Variants in HERC4 observed in about 807,000 individuals in gnomAD.
HERC4 encodes HECT and RLD domain containing E3 ubiquitin protein ligase 4, also known as probable E3 ubiquitin-protein ligase HERC4.
Under a neutral mutation model 124.3 loss-of-function variants are expected in HERC4, and 28 were observed. The observed-to-expected ratio is 0.23, with a 90% confidence interval of 0.17 to 0.31. The LOEUF is 0.31. Ranked by LOEUF, HERC4 falls within the 10% of genes least tolerant of loss-of-function variation. The pLI is 1.00. For missense variants in HERC4, 713 were observed against 1,229.3 expected (o/e 0.58, Z 6.28); for synonymous variants, 407 against 421.5 (o/e 0.97, Z 0.42).
intron 9 of HERC4, chr10:68,010,417 C>T: frequency 1.0e-6 from 1 of 957,102 alleles, no homozygotes; most frequent in Non-Finnish European, 1.6e-6. Flanking sequence ...TCTCATGGTG[C>T]ATAATCACTG....
chr10:68,053,476 T>A (rs7920025), intron 3 of HERC4, among the ~76,000 whole-genome samples: 2,324 of 152,082 alleles, frequency 0.015, 72 homozygotes, highest in African/African-American at 0.053. Context: ...ATTAATTTTT[T>A]AATTATTTGT....
intron 7 of HERC4, among the ~76,000 whole-genome samples, chr10:68,030,445 C>T (rs1440894189): frequency 3.3e-5 from 5 of 152,030 alleles, no homozygotes; most frequent in Non-Finnish European, 5.9e-5. Flanking sequence ...TGTCCAAAAA[C>T]AAAAACAAAA....
At chr10:68,017,441 CAA>C (rs1324452898) in intron 8 of HERC4, among the ~76,000 whole-genome samples, 1 of 152,098 alleles carries the variant, frequency 6.6e-6, no homozygotes, top group East Asian at 1.9e-4. Context: ...TGTTTGTGCA[CAA>C]GAGACCAATA....
At chr10:68,015,040 C>T (rs2038178959) in intron 8 of HERC4, among the ~76,000 whole-genome samples, 1 of 152,196 alleles carries the variant, frequency 6.6e-6, no homozygotes. Context: ...ATGACTATTA[C>T]AGTTGTTCCC....
intron 21 of HERC4, among the ~76,000 whole-genome samples, chr10:67,937,847 C>CTTTT (rs2032503453): frequency 6.6e-6 from 1 of 151,598 alleles, no homozygotes; most frequent in Non-Finnish European, 1.5e-5. Flanking sequence ...ATGCCTGGCT[C>CTTTT]ATTTTTGTAT....
At chr10:67,971,954 C>G (rs2035259929) in intron 15 of HERC4, among the ~76,000 whole-genome samples, 1 of 152,132 alleles carries the variant, frequency 6.6e-6, no homozygotes, top group Admixed American at 6.5e-5. Context: ...TGGCTCATGC[C>G]TGTAATCTCA....
intron 19 of HERC4, among the ~76,000 whole-genome samples, chr10:67,944,947 C>T (rs963833103): frequency 5.9e-5 from 9 of 152,132 alleles, no homozygotes; most frequent in African/African-American, 2.2e-4. Flanking sequence ...AGCACTCCTA[C>T]AAGATCTAGA....
chr10:67,966,782 C>G lies in HERC4; in HGVS notation c.1827G>C (p.Gln609His). ...TATAAAATTTATCATACTGTATAAT[C>G]TGTCCCATTTTCTCATTTACCTACA... ...ILHRVNEKMG[Q>H]IIQYDKFYIH... Residue 609 changes from glutamine to histidine, a missense_variant, in exon 16 of 25, where the codon CAG becomes CAC. Transcript: ENST00000373700. 2 of 1,559,944 alleles carry G rather than the reference C, an allele frequency of 1.3e-6. No homozygotes were observed. The highest frequency in any genetic ancestry group is 1.7e-6 in the Non-Finnish European group (2 of 1,150,180).
chr10:68,057,390 C>G (rs567147280), intron 3 of HERC4, among the ~76,000 whole-genome samples: 1 of 152,012 alleles, frequency 6.6e-6, no homozygotes, highest in Admixed American at 6.5e-5. Context: ...CTTTGGGAGG[C>G]CAAAGCGGGT....
In HERC4 at chr10:68,015,929, C is replaced by G. The variant is rs563015817; in HGVS notation, c.909-1743G>C. On this transcript the variant is annotated intron_variant, in intron 8 of 24. Coordinates refer to ENST00000373700, the MANE Select transcript of HERC4 (RefSeq NM_015601.4). ...ACCAGCATGGCAAACATGGCAAAAC[C>G]CTGTCTCTATTAAAAATACAAAAAT... is the stretch of plus-strand genomic sequence containing the variant. 7.2e-4 allele frequency among the ~76,000 whole-genome samples: 109 copies of G among 152,176 alleles called. 1 individual carries two copies. The highest frequency in any genetic ancestry group is 2.5e-3 in the African/African-American group (102 of 41,520).
intron 5 of HERC4, among the ~76,000 whole-genome samples, chr10:68,036,899 T>C (rs886986520): frequency 2.0e-5 from 3 of 152,130 alleles, no homozygotes; most frequent in African/African-American, 7.2e-5. Flanking sequence ...TCTGAAATAG[T>C]ACATATTTTT....
In HERC4 at chr10:67,925,184, T is replaced by A; in HGVS notation, c.2842A>T (p.Thr948Ser). The part of the protein sequence containing the change: ...NYDWKELEKN[T>S]EYKGEYWAEH... Reference sequence around the variant, plus strand: ...GCCCAATATTCCCCTTTGTATTCTGTATTCTAAAAACAACATAATCTTTTA... The same window carrying A: ...GCCCAATATTCCCCTTTGTATTCTGAATTCTAAAAACAACATAATCTTTTA... Residue 948 changes from threonine to serine, a missense_variant, in exon 24 of 25, where the codon ACA becomes TCA. By Grantham distance (58) the Thr-to-Ser change is moderately conservative. Transcript: ENST00000373700. 1 of 1,554,484 alleles carries A rather than the reference T, an allele frequency of 6.4e-7. No homozygotes were observed. The highest frequency in any genetic ancestry group is 8.9e-7 in the Non-Finnish European group (1 of 1,126,868).
chr10:68,044,924 AAAG>A (rs1474612447), intron 3 of HERC4, among the ~76,000 whole-genome samples: 1 of 152,232 alleles, frequency 6.6e-6, no homozygotes, highest in Non-Finnish European at 1.5e-5. Context: ...GTGAAAAAAA[AAAG>A]AAGAAATCAT....
chr10:67,947,601 A>G (rs781586026), intron 19 of HERC4, among the ~76,000 whole-genome samples: 2 of 152,212 alleles, frequency 1.3e-5, no homozygotes, highest in Non-Finnish European at 2.9e-5. Context: ...TAAACCAATA[A>G]GACCTATCAG....
At chr10:68,059,098 C>T (rs2040698972) in intron 3 of HERC4, among the ~76,000 whole-genome samples, 2 of 152,010 alleles carry the variant, frequency 1.3e-5, no homozygotes, top group South Asian at 4.1e-4. Context: ...CTACACCTTG[C>T]TCATTTTACT....
chr10:68,060,071 TCTGA>T (rs1324326256), intron 3 of HERC4, among the ~76,000 whole-genome samples: 1 of 149,284 alleles, frequency 6.7e-6, no homozygotes, highest in Non-Finnish European at 1.5e-5. Context: ...TCTTCTGGAG[TCTGA>T]CTGTTCTCAC....
chr10:68,067,996 G>A (rs1251704473), intron 3 of HERC4: 1 of 152,100 alleles, frequency 6.6e-6, no homozygotes. Context: ...CAAGGGGGAA[G>A]ACAATAAAAT....
intron 3 of HERC4, among the ~76,000 whole-genome samples, chr10:68,048,188 G>A (rs1160190254): frequency 6.6e-6 from 1 of 152,150 alleles, no homozygotes; most frequent in Non-Finnish European, 1.5e-5. Flanking sequence ...CAAAGTGTTA[G>A]GATTTACAGG....
At chr10:68,036,317 C>CA (rs755357703) in intron 5 of HERC4, among the ~76,000 whole-genome samples, 146 of 66,528 alleles carry the variant, frequency 2.2e-3, no homozygotes, top group East Asian at 3.5e-3. Flanking sequence ...GACTCCATCT[C>CA]AAAAAAAAAA....
Sources: allele counts gnomAD v4.1 joint callset (sites outside exome capture counted in the v4.1 genomes callset), GRCh38; gene constraint gnomAD v4.1.1; transcripts MANE v1.5; gene names NCBI Gene and HGNC (gene_info 2026-07-23, HGNC 2026-07-21).